Variants in CIB4 observed in about 807,000 individuals in gnomAD.
CIB4 encodes calcium and integrin binding family member 4.
Under a neutral mutation model 25.8 loss-of-function variants are expected in CIB4, and 25 were observed. The ratio of observed to expected loss-of-function variants is 0.97; its 90% CI spans 0.71 to 1.35. The LOEUF (loss-of-function observed/expected upper bound fraction) is 1.35, where lower values mean the gene tolerates loss of function less well. CIB4 is among the 40% of genes most tolerant of loss of function. CIB4 has a pLI of 0.00. For synonymous variants in CIB4, 75 were observed against 81.4 expected (o/e 0.92, Z 0.42); for missense variants, 235 against 228.2 (o/e 1.03, Z -0.19).
chr2:26,631,699 C>T (rs547854998), intron 2 of CIB4, among the ~76,000 whole-genome samples: 3 of 152,182 alleles, frequency 2.0e-5, no homozygotes, highest in Non-Finnish European at 4.4e-5. Flanking sequence ...TCTGTGTGCC[C>T]ACTGCACTCT....
At chr2:26,611,197 C>T (rs1254311379) in intron 3 of CIB4, among the ~76,000 whole-genome samples, 2 of 152,254 alleles carry the variant, frequency 1.3e-5, no homozygotes, top group African/African-American at 4.8e-5. Context: ...CTAGGATCCA[C>T]TGCACACTCA....
intron 3 of CIB4, among the ~76,000 whole-genome samples, chr2:26,602,410 TTC>T (rs1224823320): frequency 6.6e-6 from 1 of 152,168 alleles, no homozygotes; most frequent in African/African-American, 2.4e-5. Flanking sequence ...GGATTAGCAA[TTC>T]TTACCACAAG....
At chr2:26,637,760 G>A (rs2148229204) in intron 2 of CIB4, among the ~76,000 whole-genome samples, 1 of 152,242 alleles carries the variant, frequency 6.6e-6, no homozygotes, top group South Asian at 2.1e-4. Context: ...CAAAGCTCTT[G>A]ACAGCTATTC....
At chr2:26,592,616 G>A (rs74599029) in intron 4 of CIB4, among the ~76,000 whole-genome samples, 2,011 of 151,836 alleles carry the variant, frequency 0.013, 40 homozygotes, top group African/African-American at 0.046. Flanking sequence ...TGTCCTGCAC[G>A]TCTCTGAGGC....
intron 3 of CIB4, among the ~76,000 whole-genome samples, chr2:26,603,814 A>G (rs868765926): frequency 4.7e-4 from 71 of 150,168 alleles, no homozygotes; most frequent in Middle Eastern, 3.6e-3. Flanking sequence ...CCTGGGCAAC[A>G]TGGCAAAAAC....
At chr2:26,608,879 C>T (rs1397367253) in intron 3 of CIB4, among the ~76,000 whole-genome samples, 1 of 152,186 alleles carries the variant, frequency 6.6e-6, no homozygotes, top group African/African-American at 2.4e-5. Context: ...CTTCTCACCT[C>T]TCCCTCTCTT....
At chr2:26,618,440 C>T (rs1669136928) in intron 3 of CIB4, among the ~76,000 whole-genome samples, 1 of 152,170 alleles carries the variant, frequency 6.6e-6, no homozygotes. Context: ...TGCACACCAC[C>T]ATGCCTGGCT....
At chr2:26,608,009 G>A (rs147902986) in intron 3 of CIB4, among the ~76,000 whole-genome samples, 1,792 of 152,314 alleles carry the variant, frequency 0.012, 41 homozygotes, top group African/African-American at 0.041. Flanking sequence ...AGGCTGAGAC[G>A]GGTGGATCAC....
intron 3 of CIB4, among the ~76,000 whole-genome samples, chr2:26,622,058 CATA>C (rs1284651875): frequency 6.6e-6 from 1 of 152,116 alleles, no homozygotes; most frequent in African/African-American, 2.4e-5. Context: ...TGTATGCAGT[CATA>C]ATAATACAAA....
chr2:26,590,501 A>G (rs1374646243), intron 4 of CIB4, among the ~76,000 whole-genome samples: 1 of 152,052 alleles, frequency 6.6e-6, no homozygotes, highest in Admixed American at 6.6e-5. Context: ...CGGAGCACTG[A>G]GTTCCGTCTT....
chr2:26,586,848 T>C (rs1267329294), intron 4 of CIB4, among the ~76,000 whole-genome samples: 2 of 152,090 alleles, frequency 1.3e-5, no homozygotes, highest in Non-Finnish European at 2.9e-5. Context: ...TTCTGGCCGA[T>C]GAAGTGTAAG....
chr2:26,637,350 C>T (rs146456654), intron 2 of CIB4, among the ~76,000 whole-genome samples: 80 of 152,180 alleles, frequency 5.3e-4, no homozygotes, highest in African/African-American at 1.7e-3. Flanking sequence ...GGTCTATCTG[C>T]TTTGCACTTG....
intron 2 of CIB4, among the ~76,000 whole-genome samples, chr2:26,638,487 T>C (rs539427952): frequency 2.0e-4 from 31 of 152,026 alleles, no homozygotes; most frequent in Non-Finnish European, 3.5e-4. Flanking sequence ...ACTCCTCTCG[T>C]CCACCACCCC....
chr2:26,603,094 C>G (rs1240416725), intron 3 of CIB4, among the ~76,000 whole-genome samples: 1 of 152,096 alleles, frequency 6.6e-6, no homozygotes, highest in African/African-American at 2.4e-5. Context: ...GTGGTATTTG[C>G]ACAAATCCAT....
rs1296318429 is a variant in CIB4 at position 26,598,299 on chromosome 2, C to CA, written c.187-2983dup. Reference sequence around the variant, plus strand: ...TGGGTGACAGAGGGAGACTCCATCTCAAAAAAAAAAAAAAGTGCAAAAACA... The same window carrying CA: ...TGGGTGACAGAGGGAGACTCCATCTCAAAAAAAAAAAAAAAGTGCAAAAACA... On this transcript the variant is annotated intron_variant, in intron 3 of 6. Transcript: ENST00000288861. 3.8e-3 allele frequency among the ~76,000 whole-genome samples: 458 copies of CA among 120,366 alleles called. 1 individual carries two copies. Among genetic ancestry groups the CA allele is most frequent in the South Asian group, 7.6e-3 (29 of 3,826 alleles). The allele number at this position is 120,366 out of a possible 152,430, so 79.0% of individuals were successfully genotyped here.
rs1264178321 is a variant in CIB4 at position 26,627,687 on chromosome 2, G to A, written c.186+1723C>T. On this transcript the variant is annotated intron_variant, in intron 3 of 6. Coordinates refer to ENST00000288861, the MANE Select transcript of CIB4 (RefSeq NM_001029881.3). The surrounding 1 kb of genome is among the most constrained non-coding windows in gnomAD (Gnocchi z 4.0). ...TGTTTCTGTCACAGTCACAGTCTCC[G>A]ATTCACTCACCTTTCTGAGGTTTCT... Among the ~76,000 whole-genome samples the A allele has an allele frequency of 2.0e-5, 3 of 152,078 alleles. No homozygotes were observed. The highest frequency in any genetic ancestry group is 4.4e-5 in the Non-Finnish European group (3 of 68,022).
chr2:26,600,030 G>A (rs953956665), intron 3 of CIB4, among the ~76,000 whole-genome samples: 3 of 138,252 alleles, frequency 2.2e-5, no homozygotes, highest in Non-Finnish European at 4.6e-5. Context: ...CCAAGATCAC[G>A]CCACTGCACT....
intron 1 of CIB4, among the ~76,000 whole-genome samples, chr2:26,640,838 G>A (rs1272199107): frequency 6.6e-6 from 1 of 152,172 alleles, no homozygotes. Flanking sequence ...CTGGGCTCTG[G>A]TGCAGGAGAC....
intron 4 of CIB4, among the ~76,000 whole-genome samples, chr2:26,589,008 CT>C (rs1558554644): frequency 5.6e-4 from 10 of 17,838 alleles, no homozygotes; most frequent in African/African-American, 1.9e-3. Context: ...TCTTCTTCTT[CT>C]TCTTCTTCTT....
Sources: allele counts gnomAD v4.1 joint callset (sites outside exome capture counted in the v4.1 genomes callset), GRCh38; gene constraint gnomAD v4.1.1; non-coding constraint Gnocchi (gnomAD v3.1); transcripts MANE v1.5; gene names NCBI Gene and HGNC (gene_info 2026-07-23, HGNC 2026-07-21).